The following TENM3 variants were observed in gnomAD, a reference collection of about 807,000 sequenced individuals.
TENM3 encodes the protein teneurin-3.
A neutral mutation model predicts 255.1 loss-of-function variants in TENM3; 63 were observed. The observed-to-expected ratio is 0.25, with a 90% CI of 0.20 to 0.30. The LOEUF is 0.30. Ranked by LOEUF, TENM3 falls within the 10% of genes least tolerant of loss-of-function variation. TENM3 has a pLI of 1.00. For synonymous variants in TENM3, 1,306 were observed against 1,322.3 expected, an observed-to-expected ratio of 0.99 and a Z score of 0.27; for missense variants, 2,929 against 3,461.1, an observed-to-expected ratio of 0.85 and a Z score of 3.86.
chr4:182,044,170 A>T, the TENM3 span, among the ~76,000 whole-genome samples: 1 of 152,214 alleles, frequency 6.6e-6, no homozygotes, highest in East Asian at 1.9e-4. Context: ...TACCATCCAC[A>T]TACCACCAAG....
rs368706591 is a variant in TENM3 at position 182,445,853 on chromosome 4, T to G, written c.511+98924T>G. Among the ~76,000 whole-genome samples the G allele has an allele frequency of 7.9e-5, 12 of 152,212 alleles. No homozygotes were observed. The East Asian group carries it at 2.3e-3, about 29-fold the overall frequency. On this transcript the variant is annotated intron_variant, in intron 3 of 27. Transcript: ENST00000511685. ...GGAACTGTGGGGAATTCCGCAGATC[T>G]TAGACAAGAATTGCTTAAGTTATAG...
chr4:182,100,580 TATATATACAC>T, the TENM3 span, among the ~76,000 whole-genome samples: 29 of 99,500 alleles, frequency 2.9e-4, no homozygotes, highest in Non-Finnish European at 4.9e-4. Flanking sequence ...TATATACACA[TATATATACAC>T]ATATATACAC....
chr4:181,996,149 T>G, the TENM3 span, among the ~76,000 whole-genome samples: 1 of 134,050 alleles, frequency 7.5e-6, no homozygotes. Flanking sequence ...GAAACCAGGG[T>G]CGCTACGGTT....
the TENM3 span, among the ~76,000 whole-genome samples, chr4:181,787,548 C>T: frequency 6.6e-6 from 1 of 152,042 alleles, no homozygotes; most frequent in Non-Finnish European, 1.5e-5. Context: ...CCATGTTGGC[C>T]AGACTGGTCT....
chr4:181,629,021 T>C, the TENM3 span, among the ~76,000 whole-genome samples: 91 of 152,276 alleles, frequency 6.0e-4, no homozygotes, highest in African/African-American at 2.1e-3. Context: ...TTAGCAGTGG[T>C]TTGTAGTTCT....
the TENM3 span, among the ~76,000 whole-genome samples, chr4:181,697,216 GC>G: frequency 5.0e-4 from 76 of 152,306 alleles, no homozygotes; most frequent in African/African-American, 1.7e-3. Flanking sequence ...AGTGGCGAGT[GC>G]CTTGGCTGCC....
At chr4:181,509,412 CTT>C in the TENM3 span, among the ~76,000 whole-genome samples, 1 of 150,972 alleles carries the variant, frequency 6.6e-6, no homozygotes, top group African/African-American at 2.4e-5. Flanking sequence ...TTTTTTTACA[CTT>C]TTGGTATTTT....
At chr4:182,458,406 C>T (rs543367871) in intron 3 of TENM3, among the ~76,000 whole-genome samples, 1 of 152,100 alleles carries the variant, frequency 6.6e-6, no homozygotes, top group East Asian at 1.9e-4. Context: ...TATTGGTGGT[C>T]TTTTTATGGT....
chr4:182,755,028 C>G lies in TENM3; in HGVS notation c.4661C>G (p.Thr1554Ser). 4 of 1,613,976 alleles carry G rather than the reference C, an allele frequency of 2.5e-6. No homozygotes were observed. Among genetic ancestry groups the G allele is most frequent in the Non-Finnish European group, 3.4e-6 (4 of 1,179,836 alleles). The stretch of plus-strand genomic sequence containing the variant: ...AGCTACAGCAATGACAATGATATTA[C>G]TGCTGTGACAGACAGCAATGGCAAC... ...NFSYSNDNDI[T>S]AVTDSNGNTL... is the part of the protein sequence containing the mutation. Residue 1554 changes from threonine (T) to serine (S), a missense_variant, in exon 22 of 28, where the codon ACT becomes AGT. Around this residue, in one of 6 missense-constraint regions of TENM3, gnomAD observed 1,608 missense variants for 1,884.4 expected, o/e 0.85. Coordinates refer to ENST00000511685, the MANE Select transcript of TENM3 (RefSeq NM_001080477.4).
chr4:181,765,957 G>C, the TENM3 span, among the ~76,000 whole-genome samples: 1 of 152,166 alleles, frequency 6.6e-6, no homozygotes, highest in Non-Finnish European at 1.5e-5. Context: ...AGCAGAAGAG[G>C]ACAGGAAGTC....
At chr4:182,312,793 C>T in intron 1 of TENM3, among the ~76,000 whole-genome samples, 1 of 152,168 alleles carries the variant, frequency 6.6e-6, no homozygotes, top group South Asian at 2.1e-4. Context: ...ATTATTTACA[C>T]TTTACCCTAA....
the TENM3 span, among the ~76,000 whole-genome samples, chr4:181,679,335 C>A: frequency 6.6e-6 from 1 of 151,994 alleles, no homozygotes; most frequent in Non-Finnish European, 1.5e-5. Context: ...GCCCCATTCA[C>A]GAATCTTTCA....
the TENM3 span, among the ~76,000 whole-genome samples, chr4:182,137,241 G>A: frequency 6.6e-6 from 1 of 151,996 alleles, no homozygotes; most frequent in African/African-American, 2.4e-5. Flanking sequence ...TTGGGATTTT[G>A]TGTTAAAAAC....
At chr4:181,724,792 G>T in the TENM3 span, among the ~76,000 whole-genome samples, 1 of 152,102 alleles carries the variant, frequency 6.6e-6, no homozygotes, top group Non-Finnish European at 1.5e-5. Flanking sequence ...GGGAAATCAG[G>T]CTGCCTTTTA....
intron 1 of TENM3, among the ~76,000 whole-genome samples, chr4:182,250,879 C>G (rs140996516): frequency 3.3e-5 from 5 of 152,302 alleles, no homozygotes; most frequent in African/African-American, 4.8e-5. Context: ...CAACTGTCAC[C>G]TGATTCCAGC....
chr4:181,949,274 A>T, the TENM3 span, among the ~76,000 whole-genome samples: 3 of 152,142 alleles, frequency 2.0e-5, no homozygotes, highest in Non-Finnish European at 2.9e-5. Context: ...CAGTAGAGGT[A>T]CTCTGTCCAT....
Position 182,800,402 on chromosome 4 carries a change from T to C in TENM3, c.*51T>C. On this transcript the variant is annotated 3_prime_UTR_variant, in exon 28 of 28. Transcript: ENST00000511685. The stretch of plus-strand genomic sequence containing the variant: ...CTCACGCCCTGCCCACATTGTCCTG[T>C]GGCACAACCCGAGTGGGACTCTCCA... 1 of 1,503,164 alleles carries C rather than the reference T, an allele frequency of 6.7e-7. No individual in the cohort carries two copies. The allele number at this position is 1,503,164 out of a possible 1,614,324, so 93.1% of individuals were successfully genotyped here. A position where few individuals can be genotyped will look rare whatever the true frequency, so the allele number is the denominator to read the frequency against.
the TENM3 span, among the ~76,000 whole-genome samples, chr4:181,730,079 C>T: frequency 6.6e-6 from 1 of 152,112 alleles, no homozygotes; most frequent in African/African-American, 2.4e-5. Flanking sequence ...TTATGCCTCG[C>T]AGGGCTCGTA....
chr4:182,302,189 C>T (rs982925842), intron 1 of TENM3, among the ~76,000 whole-genome samples: 3 of 152,138 alleles, frequency 2.0e-5, no homozygotes, highest in African/African-American at 4.8e-5. Flanking sequence ...CAGATTGTCT[C>T]CCTCCCTTAG....
Sources: gnomAD v4.1 joint callset for allele counts (sites outside exome capture counted in the v4.1 genomes callset) on GRCh38, gnomAD v4.1.1 for gene constraint, gnomAD v4.1.1 regional missense constraint, MANE v1.5 for transcripts, NCBI Gene and HGNC (gene_info 2026-07-23, HGNC 2026-07-21) for gene names.